The following SH3BGRL2 variants were observed in gnomAD, a reference collection of about 807,000 sequenced individuals.
SH3BGRL2 encodes SH3 domain-binding glutamic acid-rich-like protein 2.
Under a neutral mutation model 14.8 loss-of-function variants are expected in SH3BGRL2, and 21 were observed. The observed-to-expected ratio is 1.42, with a 90% CI of 1.01 to 2.05. SH3BGRL2 has a LOEUF of 2.05. Among genes scored for constraint, SH3BGRL2 ranks in the 30% most tolerant of loss-of-function variants. The pLI is 0.00. For synonymous variants in SH3BGRL2, 50 were observed against 47.8 expected, an observed-to-expected ratio of 1.05 and a Z score of -0.19; for missense variants, 147 against 130.8, an observed-to-expected ratio of 1.12 and a Z score of -0.61.
intron 1 of SH3BGRL2, among the ~76,000 whole-genome samples, chr6:79,666,634 A>G (rs896815044): frequency 3.9e-5 from 6 of 152,078 alleles, no homozygotes; most frequent in African/African-American, 1.4e-4. Flanking sequence ...CTCCCTTGTT[A>G]GTTGAAAGGA....
intron 1 of SH3BGRL2, among the ~76,000 whole-genome samples, chr6:79,663,085 G>GTT (rs891816789): frequency 3.3e-5 from 5 of 152,118 alleles, no homozygotes; most frequent in Admixed American, 2.0e-4. Flanking sequence ...CTTGCGAAGG[G>GTT]TTAGAAGATG....
At chr6:79,668,541 A>G (rs1276222096) in intron 1 of SH3BGRL2, among the ~76,000 whole-genome samples, 1 of 152,128 alleles carries the variant, frequency 6.6e-6, no homozygotes, top group Admixed American at 6.5e-5. Context: ...TCAGTGGCCA[A>G]CAAGGCTGCT....
chr6:79,688,600 A>C (rs1016524131), intron 2 of SH3BGRL2, among the ~76,000 whole-genome samples: 1 of 152,180 alleles, frequency 6.6e-6, no homozygotes, highest in African/African-American at 2.4e-5. Context: ...CAGTGAGCCT[A>C]TTTGGAAACT....
At chr6:79,571,880 A>G in the SH3BGRL2 span, among the ~76,000 whole-genome samples, 2 of 152,158 alleles carry the variant, frequency 1.3e-5, no homozygotes, top group Non-Finnish European at 2.9e-5. Context: ...ACCCATAATG[A>G]TCTAAGAAGC....
the SH3BGRL2 span, among the ~76,000 whole-genome samples, chr6:79,597,037 C>T: frequency 6.6e-6 from 1 of 152,116 alleles, no homozygotes; most frequent in South Asian, 2.1e-4. Context: ...CGAGATCAGC[C>T]TGGCCAACAT....
At chr6:79,554,105 A>G in the SH3BGRL2 span, among the ~76,000 whole-genome samples, 1 of 151,232 alleles carries the variant, frequency 6.6e-6, no homozygotes, top group Admixed American at 6.6e-5. Context: ...CTTAATGATC[A>G]CTTTTTAAAA....
At chr6:79,656,475 C>A (rs1442185326) in intron 1 of SH3BGRL2, among the ~76,000 whole-genome samples, 1 of 152,288 alleles carries the variant, frequency 6.6e-6, no homozygotes, top group African/African-American at 2.4e-5. Flanking sequence ...TGAGTATATA[C>A]CATGTGGAAA....
At chr6:79,587,822 G>A in the SH3BGRL2 span, among the ~76,000 whole-genome samples, 1 of 152,220 alleles carries the variant, frequency 6.6e-6, no homozygotes, top group Non-Finnish European at 1.5e-5. Context: ...ATAGGTCTGA[G>A]AGCCTATATG....
chr6:79,645,014 G>A (rs538455718), intron 1 of SH3BGRL2, among the ~76,000 whole-genome samples: 109 of 152,102 alleles, frequency 7.2e-4, no homozygotes, highest in African/African-American at 2.5e-3. Context: ...GCAAAAATTA[G>A]CTGGGTGTGC....
the SH3BGRL2 span, among the ~76,000 whole-genome samples, chr6:79,542,174 T>A: frequency 2.6e-5 from 4 of 152,242 alleles, no homozygotes; most frequent in Admixed American, 2.0e-4. Context: ...AGTCACTGAG[T>A]ACCACCACTT....
At chr6:79,590,150 A>G in the SH3BGRL2 span, among the ~76,000 whole-genome samples, 21 of 152,194 alleles carry the variant, frequency 1.4e-4, no homozygotes, top group South Asian at 4.4e-3. Flanking sequence ...TCAAAAAAAT[A>G]ACAAATGCTG....
intron 1 of SH3BGRL2, among the ~76,000 whole-genome samples, chr6:79,634,916 G>T (rs1055918072): frequency 1.3e-5 from 2 of 152,168 alleles, no homozygotes; most frequent in Non-Finnish European, 2.9e-5. Flanking sequence ...TGGATTTGGA[G>T]CCTGGGAGAG....
chr6:79,687,599 A>G (rs1362460823), intron 2 of SH3BGRL2, among the ~76,000 whole-genome samples: 1 of 152,236 alleles, frequency 6.6e-6, no homozygotes, highest in Non-Finnish European at 1.5e-5. Context: ...GCAAGATTTC[A>G]TAAAGTAGAC....
intron 1 of SH3BGRL2, among the ~76,000 whole-genome samples, chr6:79,648,277 TATATATTTGACATATATTATATATA>T: frequency 7.7e-6 from 1 of 129,908 alleles, no homozygotes; most frequent in South Asian, 2.5e-4. Context: ...TATATATATA[TATATATTTGACATATATTATATATA>T]ATATATATAT....
intron 3 of SH3BGRL2, among the ~76,000 whole-genome samples, chr6:79,698,711 G>A (rs533756723): frequency 1.3e-5 from 2 of 151,842 alleles, no homozygotes; most frequent in South Asian, 4.2e-4. Context: ...GTTTTTTAAA[G>A]TATGTAAATA....
At chr6:79,589,998 T>C in the SH3BGRL2 span, among the ~76,000 whole-genome samples, 4 of 152,192 alleles carry the variant, frequency 2.6e-5, no homozygotes, top group African/African-American at 9.6e-5. Flanking sequence ...ATCTCGAGCT[T>C]CTGGGCTGAA....
intron 1 of SH3BGRL2, among the ~76,000 whole-genome samples, chr6:79,670,981 C>A (rs1474548208): frequency 6.6e-6 from 1 of 152,140 alleles, no homozygotes; most frequent in Non-Finnish European, 1.5e-5. Flanking sequence ...ATGTGATTAA[C>A]AATAGAGGTG....
intron 1 of SH3BGRL2, among the ~76,000 whole-genome samples, chr6:79,650,143 C>T (rs1185161785): frequency 6.6e-6 from 1 of 152,046 alleles, no homozygotes; most frequent in African/African-American, 2.4e-5. Flanking sequence ...AGGCACACTC[C>T]AAGTTGGACA....
chr6:79,632,377 T>C (rs1768842332), intron 1 of SH3BGRL2, among the ~76,000 whole-genome samples: 1 of 152,224 alleles, frequency 6.6e-6, no homozygotes, highest in South Asian at 2.1e-4. Flanking sequence ...GTGTTTTACA[T>C]GATTATTGAG....
Sources: allele counts gnomAD v4.1 joint callset (sites outside exome capture counted in the v4.1 genomes callset), GRCh38; gene constraint gnomAD v4.1.1; transcripts MANE v1.5; gene names NCBI Gene and HGNC (gene_info 2026-07-23, HGNC 2026-07-21).